SORBS2: variants seen among roughly 807,000 people sequenced by gnomAD.
SORBS2 encodes the protein sorbin and SH3 domain-containing protein 2.
SORBS2 carries 46 observed loss-of-function variants against 97.7 expected under a neutral mutation model. The ratio of observed to expected loss-of-function variants is 0.47; its 90% CI spans 0.37 to 0.60. The LOEUF (loss-of-function observed/expected upper bound fraction) is 0.60, where lower values mean the gene tolerates loss of function less well. Ranked by LOEUF, SORBS2 falls within the 20% of genes least tolerant of loss-of-function variation. SORBS2 has a pLI of 0.00. For synonymous variants in SORBS2, 476 were observed against 473.4 expected (o/e 1.01, Z -0.07); for missense variants, 1,316 against 1,282.3 (o/e 1.03, Z -0.40).
intron 1 of SORBS2, chr4:185,894,295 AC>A (rs2099243955): frequency 6.6e-6 from 1 of 152,210 alleles, no homozygotes; most frequent in African/African-American, 2.4e-5. Flanking sequence ...CGTGAGACTC[AC>A]CAGGTGCTTC....
At chr4:185,904,264 G>T (rs2099249438) in intron 1 of SORBS2, among the ~76,000 whole-genome samples, 1 of 152,200 alleles carries the variant, frequency 6.6e-6, no homozygotes, top group African/African-American at 2.4e-5. Flanking sequence ...TCTGTGTGCG[G>T]GAAGGAACGT....
At chr4:185,866,342 T>A (rs566759683) in intron 1 of SORBS2, among the ~76,000 whole-genome samples, 25 of 152,366 alleles carry the variant, frequency 1.6e-4, no homozygotes, top group African/African-American at 6.0e-4. Context: ...TCACTTACCC[T>A]AATTGTTAGT....
intron 4 of SORBS2, among the ~76,000 whole-genome samples, chr4:185,673,210 G>C (rs992998782): frequency 6.6e-6 from 1 of 152,176 alleles, no homozygotes; most frequent in Non-Finnish European, 1.5e-5. Flanking sequence ...TAAAGTTTTA[G>C]TTATGCAAGA....
intron 2 of SORBS2, among the ~76,000 whole-genome samples, chr4:185,721,368 C>T (rs1252520656): frequency 6.6e-6 from 1 of 152,172 alleles, no homozygotes; most frequent in Non-Finnish European, 1.5e-5. Context: ...AGCCAGCATA[C>T]CCGGTCCCCA....
At chr4:185,602,853 T>A (rs554984387) in intron 12 of SORBS2, among the ~76,000 whole-genome samples, 7 of 152,360 alleles carry the variant, frequency 4.6e-5, no homozygotes, top group Non-Finnish European at 1.0e-4. Flanking sequence ...CTTCAGTGAA[T>A]ATATTCTTTC....
intron 2 of SORBS2, among the ~76,000 whole-genome samples, chr4:185,687,005 C>T (rs2097976589): frequency 1.3e-5 from 2 of 152,146 alleles, no homozygotes; most frequent in African/African-American, 4.8e-5. Flanking sequence ...GATTTTGATA[C>T]TTGCTATGAT....
chr4:185,795,496 A>G (rs927457928), intron 1 of SORBS2, among the ~76,000 whole-genome samples: 1 of 152,112 alleles, frequency 6.6e-6, no homozygotes, highest in Non-Finnish European at 1.5e-5. Context: ...CACGGGCTAC[A>G]TGTGGCTCCC....
At position 185,938,757 on chromosome 4, in the gene SORBS2, G is replaced by C. The variant is rs758123315; in HGVS notation, c.-338+17439C>G. On this transcript the variant is annotated intron_variant, in intron 1 of 20. Coordinates refer to the SORBS2 transcript ENST00000284776. ...AACTGCTTTCCCCCCCAGCAGCCTG[G>C]AGGCCAGAACCCACCAGTGCAAATG... is the stretch of plus-strand genomic sequence containing the variant. 1.1e-4 allele frequency among the ~76,000 whole-genome samples: 17 copies of C among 151,824 alleles called. 1 individual carries two copies. Among genetic ancestry groups the C allele is most frequent in the Middle Eastern group, 3.4e-3 (1 of 294 alleles).
In SORBS2 at chr4:185,606,303, T is replaced by C. The variant is rs913143236; in HGVS notation, c.2796+5477A>G. 3 of 975,338 alleles carry C rather than the reference T, an allele frequency of 3.1e-6. No individual in the cohort carries two copies. The African/African-American group carries it at 5.3e-5, about 17-fold the overall frequency. 60.4% of individuals were successfully genotyped at this position (975,338 alleles called of 1,614,324 possible). On this transcript the variant is annotated intron_variant, in intron 12 of 14. Transcript: ENST00000418609. The surrounding 1 kb of genome is among the most constrained non-coding windows in gnomAD (Gnocchi z 4.3). ...CCACTATTAGCTATCATTGTTAATA[T>C]TGGAAGATTACAAAGACTATATCAA...
At position 185,646,649 on chromosome 4, in the gene SORBS2, T is replaced by G. The variant is rs1393490760; in HGVS notation, c.396+19A>C. 6.6e-7 allele frequency: 1 copy of G among 1,512,554 alleles called. No individual in the cohort carries two copies. Among genetic ancestry groups the G allele is most frequent in the African/African-American group, 1.4e-5 (1 of 73,052 alleles). The allele number at this position is 1,512,554 out of a possible 1,614,324, so 93.7% of individuals were successfully genotyped here. On this transcript the variant is annotated intron_variant, in intron 4 of 14. Transcript: ENST00000418609. The stretch of plus-strand genomic sequence containing the variant: ...GAGCCCAGCGAGCTGGCATATTCTG[T>G]TTAATGACAAGTGCTTACTGGTCTT...
At chr4:185,888,586 T>C (rs966003455) in intron 1 of SORBS2, among the ~76,000 whole-genome samples, 5 of 152,264 alleles carry the variant, frequency 3.3e-5, no homozygotes, top group Non-Finnish European at 7.3e-5. Flanking sequence ...AGCAACCATA[T>C]GAAACAAATA....
At chr4:185,881,160 A>C (rs2099236674) in intron 1 of SORBS2, among the ~76,000 whole-genome samples, 1 of 152,232 alleles carries the variant, frequency 6.6e-6, no homozygotes, top group Admixed American at 6.5e-5. Flanking sequence ...TAAATAATAA[A>C]ACTAGGGGAG....
chr4:185,604,888 GTCAGCGTGTC>G (rs1300935424), intron 12 of SORBS2, among the ~76,000 whole-genome samples: 26 of 61,154 alleles, frequency 4.3e-4, no homozygotes, highest in African/African-American at 8.7e-4. Context: ...GCCAACTATA[GTCAGCGTGTC>G]ACAAAGCTGG....
chr4:185,904,164 C>G (rs570090010), intron 1 of SORBS2, among the ~76,000 whole-genome samples: 4 of 152,282 alleles, frequency 2.6e-5, no homozygotes, highest in African/African-American at 9.6e-5. Flanking sequence ...GATGTATAAT[C>G]TTATTAATTA....
chr4:185,605,965 G>A (rs2096408777), intron 12 of SORBS2: 1 of 300,114 alleles, frequency 3.3e-6, no homozygotes, highest in African/African-American at 2.3e-5. Context: ...ATAACATGAA[G>A]ATACAGTACC....
At chr4:185,732,453 G>C (rs1356706191) in intron 2 of SORBS2, among the ~76,000 whole-genome samples, 1 of 152,202 alleles carries the variant, frequency 6.6e-6, no homozygotes, top group African/African-American at 2.4e-5. Context: ...TTCTCAGGGA[G>C]ACCAAAGTGC....
chr4:185,871,129 C>T (rs921764931), intron 1 of SORBS2, among the ~76,000 whole-genome samples: 7 of 152,176 alleles, frequency 4.6e-5, no homozygotes, highest in Admixed American at 3.3e-4. Context: ...GTTTATGTCT[C>T]GTCTTTAAAT....
chr4:185,614,900 T>C, exon 11 of SORBS2: 1 of 1,614,182 alleles, frequency 6.2e-7, no homozygotes, highest in Non-Finnish European at 8.5e-7. Flanking sequence ...CTCCGATTTC[T>C]CCGGGCTGGG....
intron 1 of SORBS2, among the ~76,000 whole-genome samples, chr4:185,947,185 G>A (rs1004149342): frequency 1.1e-4 from 16 of 152,128 alleles, no homozygotes; most frequent in Non-Finnish European, 1.2e-4. Flanking sequence ...AGTGCAACCT[G>A]TGCATGTGGT....
Sources: gnomAD v4.1 joint callset for allele counts (sites outside exome capture counted in the v4.1 genomes callset) on GRCh38, gnomAD v4.1.1 for gene constraint, Gnocchi (gnomAD v3.1) non-coding constraint, MANE v1.5 for transcripts, NCBI Gene and HGNC (gene_info 2026-07-23, HGNC 2026-07-21) for gene names.